Variants in PXDN observed in about 807,000 individuals in gnomAD.
The protein encoded by PXDN is peroxidasin homolog.
Under a neutral mutation model 140.3 loss-of-function variants are expected in PXDN, and 77 were observed. The ratio of observed to expected loss-of-function variants is 0.55; its 90% CI spans 0.46 to 0.66. The LOEUF is 0.66. PXDN is among the 30% of genes least tolerant of loss of function. PXDN has a pLI of 0.00. For missense variants in PXDN, 1,838 were observed against 2,039.5 expected (o/e 0.90, Z 1.90); for synonymous variants, 911 against 857.4 (o/e 1.06, Z -1.09).
intron 14 of PXDN, among the ~76,000 whole-genome samples, chr2:1,655,282 GACACACCACGCCACACATAACACATC>G (rs1363196333): frequency 2.4e-4 from 36 of 147,830 alleles, no homozygotes; most frequent in African/African-American, 9.0e-4. Context: ...ATTATATAGA[GACACACCACGCCACACATAACACATC>G]ACACACACGC....
chr2:1,651,049 A>G lies in PXDN; in HGVS notation c.2105-1374T>C, dbSNP rs1165790210. 6.6e-6 allele frequency among the ~76,000 whole-genome samples: 1 copy of G among 152,078 alleles called. No individual in the cohort carries two copies. Among genetic ancestry groups the G allele is most frequent in the African/African-American group, 2.4e-5 (1 of 41,426 alleles). Reference sequence around the variant, plus strand: ...TGGGTGGGAAAGGTCTGTGCAGGGAACATGAACCCCGGGCTCCCCTCAGCC... The same window carrying G: ...TGGGTGGGAAAGGTCTGTGCAGGGAGCATGAACCCCGGGCTCCCCTCAGCC... On this transcript the variant is annotated intron_variant, in intron 16 of 22. Coordinates refer to ENST00000252804, the MANE Select transcript of PXDN (RefSeq NM_012293.3). This position sits in a 1 kb window ranked among gnomAD's most constrained non-coding sequence, Gnocchi z 4.4.
intron 1 of PXDN, among the ~76,000 whole-genome samples, chr2:1,734,807 C>A (rs1449591660): frequency 2.0e-5 from 3 of 152,206 alleles, no homozygotes; most frequent in African/African-American, 7.2e-5. Flanking sequence ...GCGGAGGTTG[C>A]AGTGAGGCAA....
At chr2:1,681,498 G>C (rs766763449) in intron 6 of PXDN, among the ~76,000 whole-genome samples, 1 of 151,046 alleles carries the variant, frequency 6.6e-6, no homozygotes, top group South Asian at 2.1e-4. Flanking sequence ...ATGGGGATGG[G>C]ATCCCGAGAG....
At chr2:1,725,152 T>C (rs1480222933) in intron 1 of PXDN, among the ~76,000 whole-genome samples, 2 of 152,224 alleles carry the variant, frequency 1.3e-5, no homozygotes, top group African/African-American at 4.8e-5. Context: ...TGATTCCCTT[T>C]TTGGATAATT....
rs1171375958 is a variant in PXDN at position 1,651,289 on chromosome 2, C to T, written c.2105-1614G>A. ...TCTCCGGGCTTTCCTCCAGAATGTT[C>T]ACTTTTTCCGTGGCGTTGGCCATTG... is the stretch of plus-strand genomic sequence containing the variant. On this transcript the variant is annotated intron_variant, in intron 16 of 22. Transcript: ENST00000252804. This position sits in a 1 kb window ranked among gnomAD's most constrained non-coding sequence, Gnocchi z 4.4. Among the ~76,000 whole-genome samples the T allele has an allele frequency of 6.6e-6, 1 of 152,168 alleles. No individual in the cohort carries two copies. Among genetic ancestry groups the T allele is most frequent in the Non-Finnish European group, 1.5e-5 (1 of 68,046 alleles).
intron 1 of PXDN, among the ~76,000 whole-genome samples, chr2:1,721,011 G>A (rs773818542): frequency 4.6e-5 from 7 of 152,170 alleles, no homozygotes; most frequent in African/African-American, 1.2e-4. Context: ...CCTTTATTCC[G>A]TTAAGGCCTT....
chr2:1,692,754 C>G (rs1273789593), intron 2 of PXDN, among the ~76,000 whole-genome samples: 1 of 152,176 alleles, frequency 6.6e-6, no homozygotes, highest in Non-Finnish European at 1.5e-5. Flanking sequence ...CAGAGGTCAG[C>G]CTGACCCAGC....
Position 1,662,063 on chromosome 2 carries a change from A to AC in PXDN, c.1680+8dup. The stretch of plus-strand genomic sequence containing the variant: ...GGGTGGTGGCTGGCTCGGGCACCAG[A>AC]CCGCCTACCTTGTTCCAGGTGATGG... On this transcript the variant is annotated intron_variant, in intron 13 of 22. Transcript: ENST00000252804. The AC allele has an allele frequency of 6.3e-7, 1 of 1,575,848 alleles. No homozygotes were observed. Among genetic ancestry groups the AC allele is most frequent in the Non-Finnish European group, 8.6e-7 (1 of 1,160,654 alleles).
chr2:1,691,049 C>A (rs552039337), intron 3 of PXDN, among the ~76,000 whole-genome samples: 2 of 152,222 alleles, frequency 1.3e-5, no homozygotes, highest in South Asian at 4.2e-4. Context: ...GGCACGTGTA[C>A]CCCTATGTAA....
chr2:1,658,938 T>C (rs1683239097), intron 14 of PXDN, among the ~76,000 whole-genome samples: 1 of 152,128 alleles, frequency 6.6e-6, no homozygotes, highest in Non-Finnish European at 1.5e-5. Flanking sequence ...CCTCACGGAC[T>C]CCTCACCATC....
chr2:1,658,533 C>G (rs990193313), intron 14 of PXDN, among the ~76,000 whole-genome samples: 6 of 152,024 alleles, frequency 3.9e-5, no homozygotes, highest in African/African-American at 9.7e-5. Flanking sequence ...TGCAGGCACT[C>G]CTTCTCCCAC....
chr2:1,645,304 C>T (rs1338653165), intron 17 of PXDN, among the ~76,000 whole-genome samples: 2 of 152,156 alleles, frequency 1.3e-5, no homozygotes, highest in Non-Finnish European at 2.9e-5. Flanking sequence ...ACATTTTCAT[C>T]GACTTCTTCC....
chr2:1,683,909 C>G (rs750061632), intron 5 of PXDN, among the ~76,000 whole-genome samples, 171 bp downstream of exon 5: 1 of 152,038 alleles, frequency 6.6e-6, no homozygotes, highest in African/African-American at 2.4e-5. Flanking sequence ...TCAACACTCT[C>G]AATTAAAGAG....
At chr2:1,726,216 G>A (rs1461570697) in intron 1 of PXDN, among the ~76,000 whole-genome samples, 1 of 151,128 alleles carries the variant, frequency 6.6e-6, no homozygotes, top group Non-Finnish European at 1.5e-5. Flanking sequence ...AAGAAAATGT[G>A]GCACATATAC....
chr2:1,742,197 TTC>T (rs1685561749), intron 1 of PXDN, among the ~76,000 whole-genome samples: 1 of 152,238 alleles, frequency 6.6e-6, no homozygotes, highest in African/African-American at 2.4e-5. Flanking sequence ...CTCCCAGAGC[TTC>T]TGTTTCCACC....
At chr2:1,706,233 T>G (rs1049250397) in intron 1 of PXDN, among the ~76,000 whole-genome samples, 2 of 152,332 alleles carry the variant, frequency 1.3e-5, no homozygotes, top group African/African-American at 4.8e-5. Context: ...TAAAGATCTA[T>G]CTGGGAGGGT....
chr2:1,717,923 T>C, intron 1 of PXDN, among the ~76,000 whole-genome samples: 1 of 142,112 alleles, frequency 7.0e-6, no homozygotes, highest in Non-Finnish European at 1.5e-5. Context: ...CCCAAAGCTA[T>C]TCTACTAACC....
chr2:1,650,133 C>T (rs1682981286), intron 16 of PXDN, among the ~76,000 whole-genome samples: 1 of 152,214 alleles, frequency 6.6e-6, no homozygotes, highest in Admixed American at 6.5e-5. Flanking sequence ...TTTCCTGACA[C>T]CTGTCACTGC....
In PXDN at chr2:1,734,414, G is replaced by T. The variant is rs1685384289; in HGVS notation, c.200+9842C>A. Among the ~76,000 whole-genome samples the T allele has an allele frequency of 2.0e-5, 3 of 152,280 alleles. No homozygotes were observed. In the South Asian group the frequency reaches 6.2e-4, roughly 32 times the overall value. On this transcript the variant is annotated intron_variant, in intron 1 of 22. Coordinates refer to ENST00000252804, the MANE Select transcript of PXDN (RefSeq NM_012293.3). ...TATGTTGCTGGCTGCTGACGGATCAGGGTGGTGGCTGCTGAAGGCTGGGGT... is the reference window on the plus strand; with the variant it reads ...TATGTTGCTGGCTGCTGACGGATCATGGTGGTGGCTGCTGAAGGCTGGGGT...
Sources: gnomAD v4.1 joint callset for allele counts (sites outside exome capture counted in the v4.1 genomes callset) on GRCh38, gnomAD v4.1.1 for gene constraint, Gnocchi (gnomAD v3.1) non-coding constraint, MANE v1.5 for transcripts, NCBI Gene and HGNC (gene_info 2026-07-23, HGNC 2026-07-21) for gene names.